ARHGAP21: variants seen among roughly 807,000 people sequenced by gnomAD.
ARHGAP21 encodes rho GTPase-activating protein 21.
In ARHGAP21, 38 loss-of-function variants were observed where a neutral mutation model predicts 164.6. The ratio of observed to expected loss-of-function variants is 0.23; its 90% CI spans 0.18 to 0.30. The LOEUF is 0.30. ARHGAP21 is among the 10% of genes least tolerant of loss of function. The probability of loss-of-function intolerance (pLI) is 1.00; values close to 1 mark genes in which losing one functional copy is unlikely to be tolerated. For synonymous variants in ARHGAP21, 766 were observed against 857.9 expected (o/e 0.89, Z 1.87); for missense variants, 1,822 against 2,370.7 (o/e 0.77, Z 4.81).
intron 2 of ARHGAP21, among the ~76,000 whole-genome samples, chr10:24,716,941 A>G (rs1845449564): frequency 6.6e-6 from 1 of 152,188 alleles, no homozygotes; most frequent in Admixed American, 6.5e-5. Flanking sequence ...AGATATGCCT[A>G]TTTACTATTC....
At position 24,719,129 on chromosome 10, in the gene ARHGAP21, A is replaced by ACACC. The variant is rs566976409; in HGVS notation, c.63+2707_63+2708insGGTG. On this transcript the variant is annotated intron_variant, in intron 2 of 25. Transcript: ENST00000396432. Reference sequence around the variant, plus strand: ...CACACACACACACACACACACACACACCCCAAAAATCACTTAAGAGGTTCA... The same window carrying ACACC: ...CACACACACACACACACACACACACACACCCCCCAAAAATCACTTAAGAGGTTCA... Among the ~76,000 whole-genome samples, 241 of 147,028 alleles carry ACACC rather than the reference A, an allele frequency of 1.6e-3. 1 individual carries two copies. Among genetic ancestry groups the ACACC allele is most frequent in the African/African-American group, 5.5e-3 (222 of 40,148 alleles).
intron 21 of ARHGAP21, 149 bp from the exon 22 acceptor site, chr10:24,592,161 T>A: frequency 4.9e-6 from 3 of 608,608 alleles, no homozygotes; most frequent in Non-Finnish European, 7.1e-6. Context: ...GCAAGATTTT[T>A]TTTTTTTTTT....
Position 24,613,579 on chromosome 10 carries a change from T to C in ARHGAP21, c.2423-5676A>G, listed in dbSNP as rs1045772833. Among the ~76,000 whole-genome samples, 6 of 152,302 alleles carry C rather than the reference T, an allele frequency of 3.9e-5. No individual in the cohort carries two copies. In the East Asian group the frequency reaches 5.8e-4, roughly 15 times the overall value. On this transcript the variant is annotated intron_variant, in intron 9 of 25. Transcript: ENST00000396432. ...GTCAATGCTGTATCTCCCTATTAGA[T>C]AGAAATGGTTTTACAGTGGTTAGGA...
intron 8 of ARHGAP21, among the ~76,000 whole-genome samples, chr10:24,622,433 C>CATATATATATATATATAT (rs10530408): frequency 2.2e-5 from 2 of 89,766 alleles, no homozygotes; most frequent in Non-Finnish European, 4.5e-5. Flanking sequence ...ACTTAAAAAA[C>CATATATATATATATATAT]ATATATATAT....
intron 2 of ARHGAP21, among the ~76,000 whole-genome samples, chr10:24,682,598 GA>G (rs943785959): frequency 1.3e-5 from 2 of 152,132 alleles, no homozygotes; most frequent in Admixed American, 6.5e-5. Context: ...CCCACTGAGA[GA>G]AAAGACTCTT....
intron 2 of ARHGAP21, among the ~76,000 whole-genome samples, chr10:24,680,492 G>T (rs981403316): frequency 6.6e-6 from 1 of 151,808 alleles, no homozygotes; most frequent in Non-Finnish European, 1.5e-5. Context: ...TGTTTTACTG[G>T]GCTCTTTACA....
At position 24,607,829 on chromosome 10, in the gene ARHGAP21, A is replaced by G. The variant is rs1232998617; in HGVS notation, c.2497T>C (p.Ser833Pro). 5.0e-6 allele frequency: 8 copies of G among 1,614,128 alleles called. No homozygotes were observed. The highest frequency in any genetic ancestry group is 4.5e-5 in the East Asian group (2 of 44,882). Residue 833 changes from serine (S) to proline (P), a missense_variant, in exon 10 of 26, where the codon TCT becomes CCT. Physicochemically the swap from Ser to Pro is moderately conservative, Grantham distance 74. Coordinates refer to ENST00000396432, the MANE Select transcript of ARHGAP21 (RefSeq NM_020824.4). ...PASAVISASTSQVPSIATVPP... is the reference protein window; with the variant it reads ...PASAVISASTPQVPSIATVPP... ...ACTGTTGCTATGGAGGGGACCTGAGAGGTAGAGGCTGATATAACAGCAGAG... is the reference window on the plus strand; with the variant it reads ...ACTGTTGCTATGGAGGGGACCTGAGGGGTAGAGGCTGATATAACAGCAGAG...
rs144895449 is a variant in ARHGAP21, at chr10:24,600,870, G to C, written c.2908C>G (p.Leu970Val). The C allele has an allele frequency of 2.8e-4, 449 of 1,614,196 alleles. 1 individual carries two copies. The highest frequency in any genetic ancestry group is 1.8e-3 in the Middle Eastern group (11 of 6,062). ...TCTCTTTTATCTTTGTACAGGTAAA[G>C]TGAATGACCCCGAAGGACAACATAC... is the stretch of plus-strand genomic sequence containing the variant. ...QMYVVLRGHS[L>V]YLYKDKREQT... The change falls in exon 14 of 26, where the codon CTT becomes GTT. Residue 970 changes from leucine to valine, a missense_variant. Physicochemically the swap from Leu to Val is conservative, Grantham distance 32. This residue lies in a region of ARHGAP21 where 1,090 missense variants were observed against 1,378.9 expected (regional missense o/e 0.79). Coordinates refer to ENST00000396432, the MANE Select transcript of ARHGAP21 (RefSeq NM_020824.4).
intron 2 of ARHGAP21, among the ~76,000 whole-genome samples, chr10:24,702,127 CTT>C (rs71798625): frequency 1.2e-4 from 13 of 104,600 alleles, no homozygotes; most frequent in African/African-American, 3.3e-4. Context: ...ACTTCCGGTT[CTT>C]TTTTTTTTTT....
intron 2 of ARHGAP21, among the ~76,000 whole-genome samples, chr10:24,719,482 G>A (rs760049195): frequency 1.2e-4 from 19 of 152,210 alleles, no homozygotes; most frequent in Non-Finnish European, 2.5e-4. Context: ...GCATGAAACA[G>A]AGACTCCTGT....
intron 4 of ARHGAP21, among the ~76,000 whole-genome samples, chr10:24,639,362 A>G (rs1374094085): frequency 6.6e-6 from 1 of 152,186 alleles, no homozygotes; most frequent in Non-Finnish European, 1.5e-5. Flanking sequence ...GGGGATGATA[A>G]TAATTATTCC....
chr10:24,612,283 A>G (rs1451040866), intron 9 of ARHGAP21, among the ~76,000 whole-genome samples: 1 of 152,174 alleles, frequency 6.6e-6, no homozygotes. Flanking sequence ...TAACACTATT[A>G]CTTATTTCAA....
chr10:24,644,495 C>T (rs1255326965), intron 4 of ARHGAP21, among the ~76,000 whole-genome samples: 1 of 152,122 alleles, frequency 6.6e-6, no homozygotes, highest in East Asian at 1.9e-4. Flanking sequence ...ATGTTCCAAC[C>T]CACTTCTATC....
chr10:24,612,651 A>C (rs547697967), intron 9 of ARHGAP21, among the ~76,000 whole-genome samples: 2 of 151,842 alleles, frequency 1.3e-5, no homozygotes, highest in Admixed American at 6.6e-5. Flanking sequence ...TCAGGAGATC[A>C]AGACCATCCT....
intron 9 of ARHGAP21, among the ~76,000 whole-genome samples, chr10:24,608,849 G>C (rs2077140201): frequency 6.6e-6 from 1 of 151,770 alleles, no homozygotes; most frequent in African/African-American, 2.4e-5. Context: ...TTTTTACTAA[G>C]TATACGACAG....
intron 2 of ARHGAP21, 54 bp downstream of exon 2, chr10:24,721,783 G>A (rs1455167014): frequency 5.6e-6 from 9 of 1,600,466 alleles, no homozygotes; most frequent in Non-Finnish European, 6.0e-6. Flanking sequence ...CTTGCAGGAC[G>A]CTCAAGACAC....
chr10:24,711,439 T>A (rs1213420429), intron 2 of ARHGAP21, among the ~76,000 whole-genome samples: 1 of 152,190 alleles, frequency 6.6e-6, no homozygotes, highest in African/African-American at 2.4e-5. Context: ...ACAGTCTACT[T>A]TTCCCATCTT....
At chr10:24,685,073 A>C (rs1460289696) in intron 2 of ARHGAP21, among the ~76,000 whole-genome samples, 1 of 151,930 alleles carries the variant, frequency 6.6e-6, no homozygotes, top group Non-Finnish European at 1.5e-5. Flanking sequence ...AATTGGGGGG[A>C]GGAGGGGTTG....
intron 2 of ARHGAP21, among the ~76,000 whole-genome samples, chr10:24,693,991 T>C (rs780840898): frequency 2.6e-5 from 4 of 152,158 alleles, no homozygotes; most frequent in East Asian, 3.9e-4. Context: ...CCCAGCACAG[T>C]GGTCAGGACA....
Sources: gnomAD v4.1 joint callset for allele counts (sites outside exome capture counted in the v4.1 genomes callset) on GRCh38, gnomAD v4.1.1 for gene constraint, gnomAD v4.1.1 regional missense constraint, MANE v1.5 for transcripts, NCBI Gene and HGNC (gene_info 2026-07-23, HGNC 2026-07-21) for gene names.